Variants in KCNIP4 observed in about 807,000 individuals in gnomAD.
KCNIP4 encodes potassium voltage-gated channel interacting protein 4, also known as Kv channel-interacting protein 4.
Under a neutral mutation model 34.0 loss-of-function variants are expected in KCNIP4, and 12 were observed. The observed-to-expected ratio is 0.35, with a 90% CI of 0.23 to 0.57. The LOEUF is 0.57. KCNIP4 is among the 20% of genes least tolerant of loss of function. The probability of loss-of-function intolerance (pLI) is 0.83; values close to 1 mark genes in which losing one functional copy is unlikely to be tolerated. For synonymous variants in KCNIP4, 124 were observed against 102.2 expected (o/e 1.21, Z -1.29); for missense variants, 238 against 311.7 (o/e 0.76, Z 1.78).
At chr4:21,822,613 A>T (rs1189335085) in intron 1 of KCNIP4, among the ~76,000 whole-genome samples, 1 of 152,090 alleles carries the variant, frequency 6.6e-6, no homozygotes, top group Non-Finnish European at 1.5e-5. Context: ...AGCGGTAGAG[A>T]TTATTTGCCC....
intron 1 of KCNIP4, among the ~76,000 whole-genome samples, chr4:21,218,341 G>T (rs1001520250): frequency 6.6e-6 from 1 of 151,840 alleles, no homozygotes; most frequent in Non-Finnish European, 1.5e-5. Flanking sequence ...TTTATATTTG[G>T]TGTGCTTTCC....
chr4:20,758,153 G>C (rs192133004), intron 4 of KCNIP4, among the ~76,000 whole-genome samples: 12 of 152,202 alleles, frequency 7.9e-5, no homozygotes, highest in African/African-American at 2.9e-4. Flanking sequence ...GTAATTGAAA[G>C]AAAAACTATA....
At chr4:21,323,942 T>C (rs1714765892) in intron 1 of KCNIP4, among the ~76,000 whole-genome samples, 1 of 152,086 alleles carries the variant, frequency 6.6e-6, no homozygotes, top group Admixed American at 6.5e-5. Context: ...AAAACCATTT[T>C]AACTGGGGTG....
chr4:21,864,100 C>T (rs1166388825), intron 1 of KCNIP4, among the ~76,000 whole-genome samples: 1 of 152,230 alleles, frequency 6.6e-6, no homozygotes, highest in Non-Finnish European at 1.5e-5. Context: ...AATATTTCCA[C>T]ATTCCCATGA....
In KCNIP4 at chr4:21,528,671, AAAACAAAGAAAGAAAGAAAGAAAGAAAG is replaced by A. The variant is rs1736196342; in HGVS notation, c.61+419872_61+419899del. ...GACAGAGGGAGACTCTGTCTCATAAAAAACAAAGAAAGAAAGAAAGAAAGAAAGAAAGAAAGAAAGAAAGAAAGAAAGA... is the reference window on the plus strand; with the variant it reads ...GACAGAGGGAGACTCTGTCTCATAAAAAAGAAAGAAAGAAAGAAAGAAAGA... On this transcript the variant is annotated intron_variant, in intron 1 of 8. Coordinates refer to ENST00000382152, the MANE Select transcript of KCNIP4 (RefSeq NM_025221.6). Among the ~76,000 whole-genome samples the A allele has an allele frequency of 2.6e-5, 3 of 115,624 alleles. 1 individual carries two copies. Among genetic ancestry groups the A allele is most frequent in the Admixed American group, 1.8e-4 (2 of 11,276 alleles). 75.9% of individuals were successfully genotyped at this position (115,624 alleles called of 152,430 possible). A position where few individuals can be genotyped will look rare whatever the true frequency, so the allele number is the denominator to read the frequency against.
intron 1 of KCNIP4, among the ~76,000 whole-genome samples, chr4:21,872,230 A>T (rs866566277): frequency 6.6e-6 from 1 of 152,120 alleles, no homozygotes; most frequent in Non-Finnish European, 1.5e-5. Context: ...ATCCCCAGGA[A>T]CAAAATTCCC....
chr4:21,439,079 G>A (rs1461358331), intron 1 of KCNIP4, among the ~76,000 whole-genome samples: 2 of 151,150 alleles, frequency 1.3e-5, no homozygotes, highest in Non-Finnish European at 1.5e-5. Context: ...GGAGAATGGC[G>A]TGAACCTGGG....
At chr4:20,812,611 T>C (rs1186748880) in intron 3 of KCNIP4, among the ~76,000 whole-genome samples, 3 of 152,192 alleles carry the variant, frequency 2.0e-5, no homozygotes, top group African/African-American at 7.2e-5. Flanking sequence ...AAACACGGCA[T>C]AGCTATCCCA....
intron 1 of KCNIP4, chr4:21,762,860 G>A (rs1176116719): frequency 1.9e-6 from 2 of 1,074,178 alleles, no homozygotes; most frequent in South Asian, 1.4e-5. Context: ...AGAAAGGAAA[G>A]GAGAATCCCA....
intron 1 of KCNIP4, among the ~76,000 whole-genome samples, chr4:21,090,698 C>T (rs1171187405): frequency 6.6e-6 from 1 of 152,004 alleles, no homozygotes; most frequent in Admixed American, 6.6e-5. Context: ...TTTGAAAAAA[C>T]TCAGAAAATA....
At chr4:20,991,256 A>G (rs1303926649) in intron 1 of KCNIP4, among the ~76,000 whole-genome samples, 1 of 152,180 alleles carries the variant, frequency 6.6e-6, no homozygotes, top group Non-Finnish European at 1.5e-5. Context: ...AATGCGAATG[A>G]CCTTCAGAAA....
At chr4:20,852,836 C>A (rs1350559454) in intron 2 of KCNIP4, among the ~76,000 whole-genome samples, 1 of 152,082 alleles carries the variant, frequency 6.6e-6, no homozygotes, top group Non-Finnish European at 1.5e-5. Flanking sequence ...CTAACAGTGA[C>A]CAAACAGAGA....
intron 1 of KCNIP4, among the ~76,000 whole-genome samples, chr4:21,676,028 T>C (rs180935495): frequency 1.3e-5 from 2 of 152,298 alleles, no homozygotes; most frequent in African/African-American, 4.8e-5. Context: ...AATTATATAC[T>C]GAGAAAACCA....
chr4:21,589,915 A>T (rs1008379979), intron 1 of KCNIP4, among the ~76,000 whole-genome samples: 1 of 152,048 alleles, frequency 6.6e-6, no homozygotes, highest in Non-Finnish European at 1.5e-5. Context: ...AAGATGCTAG[A>T]AAAGTAAGAT....
At chr4:21,075,381 A>G (rs1204151954) in intron 1 of KCNIP4, among the ~76,000 whole-genome samples, 1 of 151,998 alleles carries the variant, frequency 6.6e-6, no homozygotes, top group African/African-American at 2.4e-5. Context: ...TGATCCCTTT[A>G]CCATTATGTA....
At chr4:21,919,530 C>T (rs1263065591) in intron 1 of KCNIP4, among the ~76,000 whole-genome samples, 3 of 152,144 alleles carry the variant, frequency 2.0e-5, no homozygotes, top group Non-Finnish European at 4.4e-5. Flanking sequence ...TACCCAATGG[C>T]CATTTCTCCT....
intron 1 of KCNIP4, chr4:20,984,043 G>C: frequency 6.9e-7 from 1 of 1,454,252 alleles, no homozygotes; most frequent in Non-Finnish European, 9.1e-7. Flanking sequence ...AAAGTGAGCA[G>C]CTCCTGGCAG....
At chr4:21,114,455 T>C (rs1749517463) in intron 1 of KCNIP4, among the ~76,000 whole-genome samples, 1 of 152,112 alleles carries the variant, frequency 6.6e-6, no homozygotes, top group African/African-American at 2.4e-5. Flanking sequence ...TATCTTCACT[T>C]TTTTCTTAAA....
chr4:21,486,525 G>T (rs1484693300), intron 1 of KCNIP4, among the ~76,000 whole-genome samples: 2 of 152,100 alleles, frequency 1.3e-5, no homozygotes, highest in African/African-American at 2.4e-5. Context: ...TGTGAGTTTT[G>T]CTCATATTTG....
Sources: gnomAD v4.1 joint callset for allele counts (sites outside exome capture counted in the v4.1 genomes callset) on GRCh38, gnomAD v4.1.1 for gene constraint, MANE v1.5 for transcripts, NCBI Gene and HGNC (gene_info 2026-07-23, HGNC 2026-07-21) for gene names.